The following TNNI3K variants were observed in gnomAD, a reference collection of about 807,000 sequenced individuals.
TNNI3K encodes TNNI3 interacting kinase.
Under a neutral mutation model 114.5 loss-of-function variants are expected in TNNI3K, and 140 were observed. That is an observed-to-expected ratio of 1.22 (90% confidence interval 1.07 to 1.41). TNNI3K has a LOEUF of 1.41. TNNI3K is among the 40% of genes most tolerant of loss of function. The pLI is 0.00. For synonymous variants in TNNI3K, 347 were observed against 347.5 expected (o/e 1.00, Z 0.02); for missense variants, 1,125 against 1,007.6 (o/e 1.12, Z -1.58).
chr1:74,311,711 T>C (rs1659005812), intron 5 of TNNI3K, among the ~76,000 whole-genome samples: 1 of 152,170 alleles, frequency 6.6e-6, no homozygotes, highest in Admixed American at 6.5e-5. Flanking sequence ...TAAATGGGAG[T>C]GAGTCTTGCC....
chr1:74,260,642 CTAACTT>C (rs879536643), intron 4 of TNNI3K, among the ~76,000 whole-genome samples: 2 of 151,994 alleles, frequency 1.3e-5, no homozygotes, highest in African/African-American at 2.4e-5. Context: ...TTGTTGAACT[CTAACTT>C]TGACAAACAT....
intron 5 of TNNI3K, among the ~76,000 whole-genome samples, chr1:74,298,628 C>A (rs1658132926): frequency 6.6e-6 from 1 of 152,010 alleles, no homozygotes; most frequent in South Asian, 2.1e-4. Flanking sequence ...CCTTTTCAAT[C>A]CTCAAATCAT....
At chr1:74,301,198 G>A (rs1318619018) in intron 5 of TNNI3K, among the ~76,000 whole-genome samples, 1 of 152,120 alleles carries the variant, frequency 6.6e-6, no homozygotes, top group Non-Finnish European at 1.5e-5. Context: ...TCAGGAGTTT[G>A]AGATCATCCT....
At chr1:74,327,083 A>G (rs1406299209) in intron 5 of TNNI3K, among the ~76,000 whole-genome samples, 1 of 151,064 alleles carries the variant, frequency 6.6e-6, no homozygotes, top group Non-Finnish European at 1.5e-5. Context: ...CCGTGTCAAA[A>G]AAAAAAAAAA....
chr1:74,386,095 T>G (rs1421797229), intron 17 of TNNI3K, among the ~76,000 whole-genome samples: 2 of 152,214 alleles, frequency 1.3e-5, no homozygotes, highest in East Asian at 3.9e-4. Flanking sequence ...CACATTCTCT[T>G]GCCTGCCACC....
intron 23 of TNNI3K, among the ~76,000 whole-genome samples, chr1:74,530,134 G>A (rs1018357268): frequency 2.5e-4 from 38 of 152,192 alleles, no homozygotes; most frequent in African/African-American, 8.9e-4. Flanking sequence ...CAGCCGTTAG[G>A]TGTCTACGTT....
chr1:74,399,653 A>T (rs1001368180), intron 17 of TNNI3K, among the ~76,000 whole-genome samples: 3 of 152,168 alleles, frequency 2.0e-5, no homozygotes, highest in Non-Finnish European at 4.4e-5. Flanking sequence ...GAAAAGGATG[A>T]ATGGGAAGTG....
chr1:74,417,582 T>C (rs1257113512), intron 17 of TNNI3K, among the ~76,000 whole-genome samples: 1 of 152,006 alleles, frequency 6.6e-6, no homozygotes. Flanking sequence ...ATATATCTCT[T>C]GTAAGCCCAA....
chr1:74,542,439 C>A (rs1299522413), intron 24 of TNNI3K, among the ~76,000 whole-genome samples: 1 of 152,168 alleles, frequency 6.6e-6, no homozygotes. Flanking sequence ...TTGTTTTAGT[C>A]TACACAGAAT....
At chr1:74,378,041 A>ATT (rs1382169124) in intron 17 of TNNI3K, among the ~76,000 whole-genome samples, 1 of 152,054 alleles carries the variant, frequency 6.6e-6, no homozygotes, top group African/African-American at 2.4e-5. Context: ...TTCAGGGATG[A>ATT]TTTTCAAATC....
intron 4 of TNNI3K, among the ~76,000 whole-genome samples, chr1:74,254,622 C>T (rs1203114628): frequency 6.6e-6 from 1 of 152,098 alleles, no homozygotes; most frequent in African/African-American, 2.4e-5. Flanking sequence ...TCCTTTTGTT[C>T]ACTACATCAA....
intron 17 of TNNI3K, among the ~76,000 whole-genome samples, chr1:74,408,323 C>A (rs776757393): frequency 2.0e-5 from 3 of 152,146 alleles, no homozygotes; most frequent in Non-Finnish European, 4.4e-5. Flanking sequence ...CACCTGTTAG[C>A]CCATGGACTA....
chr1:74,289,698 G>C (rs1196397706), intron 5 of TNNI3K, among the ~76,000 whole-genome samples: 1 of 151,930 alleles, frequency 6.6e-6, no homozygotes, highest in Non-Finnish European at 1.5e-5. Context: ...AAACTGTCAA[G>C]ATAAATAAGT....
At chr1:74,540,122 G>C (rs932210192) in intron 23 of TNNI3K, 112 bp from the exon 24 acceptor site, 209 of 1,124,540 alleles carry the variant, frequency 1.9e-4, no homozygotes, top group Non-Finnish European at 2.5e-4. Flanking sequence ...AAGCTGCTTT[G>C]TATCACTTTG....
chr1:74,448,448 C>G (rs1283710297), intron 20 of TNNI3K, among the ~76,000 whole-genome samples: 3 of 145,804 alleles, frequency 2.1e-5, no homozygotes, highest in Admixed American at 6.8e-5. Flanking sequence ...ATTGAATACC[C>G]TTTATTTCCT....
chr1:74,331,847 G>A lies in TNNI3K; in HGVS notation c.543+299G>A, dbSNP rs551362980. The stretch of plus-strand genomic sequence containing the variant: ...TTCCTAGTGTTTTGACCAGGTGTAG[G>A]TTATGTAATCCCTCTGATCTTCATT... On this transcript the variant is annotated intron_variant, in intron 6 of 24. Transcript: ENST00000326637. Among the ~76,000 whole-genome samples the A allele has an allele frequency of 1.2e-4, 18 of 152,202 alleles. No homozygotes were observed. In the South Asian group the frequency reaches 2.5e-3, roughly 21 times the overall value.
Position 74,343,788 on chromosome 1 carries a change from C to A in TNNI3K, c.932+609C>A, listed in dbSNP as rs78810152. The stretch of plus-strand genomic sequence containing the variant: ...ACAGCTGGGATTAGAAAAGTTGCAA[C>A]CAAAATAAAAAGAGAGAAAAAGAAA... On this transcript the variant is annotated intron_variant, in intron 9 of 24. Transcript: ENST00000326637. Among the ~76,000 whole-genome samples, 49 of 151,466 alleles carry A rather than the reference C, an allele frequency of 3.2e-4. No individual in the cohort carries two copies. In the East Asian group the frequency reaches 8.6e-3, roughly 26 times the overall value.
chr1:74,361,532 T>C (rs763926309), intron 11 of TNNI3K, among the ~76,000 whole-genome samples: 1 of 152,138 alleles, frequency 6.6e-6, no homozygotes. Context: ...GCCAACCTAA[T>C]GTGTGACAGA....
chr1:74,237,427 TTAAA>T (rs1413429818), intron 2 of TNNI3K, among the ~76,000 whole-genome samples: 6 of 152,034 alleles, frequency 3.9e-5, no homozygotes. Flanking sequence ...TCTTATTGAC[TTAAA>T]TAAATATGCT....
Sources: gnomAD v4.1 joint callset for allele counts (sites outside exome capture counted in the v4.1 genomes callset) on GRCh38, gnomAD v4.1.1 for gene constraint, MANE v1.5 for transcripts, NCBI Gene and HGNC (gene_info 2026-07-23, HGNC 2026-07-21) for gene names.